CSMD1: variants seen among roughly 807,000 people sequenced by gnomAD.
CSMD1 encodes the protein CUB and Sushi multiple domains 1.
A neutral mutation model predicts 417.5 loss-of-function variants in CSMD1; 213 were observed. That is an observed-to-expected ratio of 0.51 (90% CI 0.46 to 0.57). The LOEUF is 0.57. CSMD1 is among the 20% of genes least tolerant of loss of function. The pLI is 0.00. For missense variants in CSMD1, 6,923 were observed against 4,529.7 expected (o/e 1.53, Z -15.17); for synonymous variants, 2,862 against 1,736.8 (o/e 1.65, Z -16.11).
intron 3 of CSMD1, among the ~76,000 whole-genome samples, chr8:4,276,790 T>C (rs1037296146): frequency 6.6e-6 from 1 of 152,020 alleles, no homozygotes; most frequent in African/African-American, 2.4e-5. Flanking sequence ...GAAAGAAAAA[T>C]AGAACAGTGG....
At chr8:4,962,260 G>C (rs1265406831) in intron 1 of CSMD1, among the ~76,000 whole-genome samples, 2 of 151,596 alleles carry the variant, frequency 1.3e-5, no homozygotes, top group Non-Finnish European at 2.9e-5. Context: ...ACCCAAACTG[G>C]AGTACAGTGT....
chr8:4,811,639 G>A (rs747857699), intron 1 of CSMD1, among the ~76,000 whole-genome samples: 2 of 152,014 alleles, frequency 1.3e-5, no homozygotes, highest in Non-Finnish European at 2.9e-5. Context: ...TGATGGGGCT[G>A]TCATAACTGG....
At chr8:4,077,772 T>C (rs1011435032) in intron 3 of CSMD1, among the ~76,000 whole-genome samples, 2 of 152,214 alleles carry the variant, frequency 1.3e-5, no homozygotes, top group Admixed American at 1.3e-4. Flanking sequence ...ATGATAAGCA[T>C]TTTTCAGCTC....
intron 3 of CSMD1, among the ~76,000 whole-genome samples, chr8:4,112,599 G>T (rs942504200): frequency 3.3e-5 from 5 of 152,276 alleles, no homozygotes; most frequent in South Asian, 2.1e-4. Context: ...GTCTGTGCGT[G>T]TATGAGGGCT....
At chr8:3,965,415 G>A (rs557253829) in intron 5 of CSMD1, among the ~76,000 whole-genome samples, 5 of 152,232 alleles carry the variant, frequency 3.3e-5, no homozygotes, top group South Asian at 2.1e-4. Flanking sequence ...CATGGTTTTC[G>A]TGATGGCCTT....
At chr8:3,356,895 G>T (rs1808831339) in intron 21 of CSMD1, among the ~76,000 whole-genome samples, 1 of 152,052 alleles carries the variant, frequency 6.6e-6, no homozygotes, top group Admixed American at 6.6e-5. Context: ...GATTAGTAGG[G>T]GAAGCACTGA....
At chr8:4,065,273 G>A (rs1264578822) in intron 3 of CSMD1, among the ~76,000 whole-genome samples, 2 of 152,166 alleles carry the variant, frequency 1.3e-5, no homozygotes, top group African/African-American at 2.4e-5. Flanking sequence ...CACTGACTCT[G>A]TTGGGCAGTG....
At chr8:4,925,875 G>A (rs534118965) in intron 1 of CSMD1, among the ~76,000 whole-genome samples, 198 of 152,044 alleles carry the variant, frequency 1.3e-3, no homozygotes, top group Non-Finnish European at 2.1e-3. Flanking sequence ...ATTGTGAAAT[G>A]GCATTCTGTC....
intron 26 of CSMD1, among the ~76,000 whole-genome samples, chr8:3,268,957 G>A (rs983680034): frequency 6.6e-6 from 1 of 152,166 alleles, no homozygotes; most frequent in Non-Finnish European, 1.5e-5. Flanking sequence ...ATATTCTATT[G>A]AGTAATAAGT....
At chr8:3,797,193 G>A (rs1800201870) in intron 5 of CSMD1, among the ~76,000 whole-genome samples, 1 of 151,752 alleles carries the variant, frequency 6.6e-6, no homozygotes, top group Non-Finnish European at 1.5e-5. Flanking sequence ...AAATGTCAAA[G>A]AACTTCAATC....
Position 4,032,870 on chromosome 8 carries a change from C to T in CSMD1, c.416-771G>A, listed in dbSNP as rs552719905. ...GTGATTCCAAAGTTAATCTGAAAAA[C>T]TAGGTCAGGCCGTGGTGGGATGGGG... On this transcript the variant is annotated intron_variant, in intron 3 of 69. Transcript: ENST00000635120. Among the ~76,000 whole-genome samples the T allele has an allele frequency of 1.4e-4, 21 of 152,228 alleles. 1 individual carries two copies. The South Asian group carries it at 3.5e-3, about 26-fold the overall frequency.
chr8:3,211,453 G>A (rs1310151362), intron 30 of CSMD1, among the ~76,000 whole-genome samples: 1 of 152,188 alleles, frequency 6.6e-6, no homozygotes, highest in Non-Finnish European at 1.5e-5. Context: ...GAGGTTGCAT[G>A]CTCAATAGTT....
chr8:4,395,149 CCT>C (rs1173872011), intron 3 of CSMD1, among the ~76,000 whole-genome samples: 2 of 152,148 alleles, frequency 1.3e-5, no homozygotes, highest in African/African-American at 4.8e-5. Flanking sequence ...TCCCTGCTGT[CCT>C]CTGACACTCC....
intron 2 of CSMD1, among the ~76,000 whole-genome samples, chr8:4,430,569 A>G (rs1051650851): frequency 2.0e-5 from 3 of 152,174 alleles, no homozygotes; most frequent in Non-Finnish European, 4.4e-5. Context: ...TCTGGGGAAG[A>G]AAATAAATTT....
intron 5 of CSMD1, among the ~76,000 whole-genome samples, chr8:3,833,746 T>C (rs2129089120): frequency 6.6e-6 from 1 of 152,250 alleles, no homozygotes; most frequent in East Asian, 1.9e-4. Context: ...ACATGGATAA[T>C]TTTTAAAATG....
chr8:3,856,213 C>T (rs1181738709), intron 5 of CSMD1, among the ~76,000 whole-genome samples: 3 of 151,946 alleles, frequency 2.0e-5, no homozygotes, highest in Non-Finnish European at 4.4e-5. Context: ...ATAGAGTTCT[C>T]ATAAAAGCTG....
chr8:4,229,443 C>A lies in CSMD1; in HGVS notation c.415+190510G>T, dbSNP rs760077960. On this transcript the variant is annotated intron_variant, in intron 3 of 69. Transcript: ENST00000635120. The stretch of plus-strand genomic sequence containing the variant: ...CAATCACTCATTATCTTTTCAACAA[C>A]CTTACAGAAGACCCACAATCACCAA... Among the ~76,000 whole-genome samples the A allele has an allele frequency of 6.6e-5, 10 of 152,194 alleles. 1 individual carries two copies. The highest frequency in any genetic ancestry group is 1.9e-4 in the African/African-American group (8 of 41,460).
chr8:3,692,685 G>A (rs979767046), intron 7 of CSMD1, among the ~76,000 whole-genome samples: 10 of 152,008 alleles, frequency 6.6e-5, no homozygotes, highest in Non-Finnish European at 1.2e-4. Flanking sequence ...TGCCTGCCTC[G>A]GCCTCCAGAA....
intron 3 of CSMD1, among the ~76,000 whole-genome samples, chr8:4,050,995 C>G (rs1457893373): frequency 6.6e-6 from 1 of 152,002 alleles, no homozygotes; most frequent in Non-Finnish European, 1.5e-5. Context: ...GTGACATGCC[C>G]TACTTTTAAG....
Sources: allele counts gnomAD v4.1 joint callset (sites outside exome capture counted in the v4.1 genomes callset), GRCh38; gene constraint gnomAD v4.1.1; transcripts MANE v1.5; gene names NCBI Gene and HGNC (gene_info 2026-07-23, HGNC 2026-07-21).